The following ADAMTSL1 variants were observed in gnomAD, a reference collection of about 807,000 sequenced individuals.
ADAMTSL1 encodes ADAMTS like 1, also known as ADAMTS-like protein 1.
In ADAMTSL1, 126 loss-of-function variants were observed where a neutral mutation model predicts 201.8. The observed-to-expected ratio is 0.62, with a 90% CI of 0.54 to 0.72. The LOEUF (loss-of-function observed/expected upper bound fraction) is 0.72, where lower values mean the gene tolerates loss of function less well. ADAMTSL1 is among the 30% of genes least tolerant of loss of function. ADAMTSL1 has a pLI of 0.00. For synonymous variants in ADAMTSL1, 1,121 were observed against 903.4 expected (o/e 1.24, Z -4.32); for missense variants, 2,679 against 2,277.8 (o/e 1.18, Z -3.59).
chr9:18,785,135 G>T (rs1333430281), intron 19 of ADAMTSL1, among the ~76,000 whole-genome samples: 1 of 151,552 alleles, frequency 6.6e-6, no homozygotes, highest in Non-Finnish European at 1.5e-5. Context: ...CTGCATTCTG[G>T]CCTGGGTGAC....
intron 23 of ADAMTSL1, among the ~76,000 whole-genome samples, chr9:18,876,215 G>A (rs1828139065): frequency 6.6e-6 from 1 of 151,922 alleles, no homozygotes; most frequent in African/African-American, 2.4e-5. Flanking sequence ...CATCTTTTAA[G>A]TGGAGCATTT....
intron 2 of ADAMTSL1, among the ~76,000 whole-genome samples, chr9:18,524,965 G>T (rs544571802): frequency 1.6e-4 from 25 of 152,250 alleles, no homozygotes; most frequent in Middle Eastern, 3.4e-3. Context: ...TAAAATGAGT[G>T]AGGGAGGATT....
rs564158046 is a variant in ADAMTSL1 at position 17,910,104 on chromosome 9, C to G, written c.87+3182C>G. On this transcript the variant is annotated intron_variant, in intron 1 of 29. Transcript: ENST00000680146. ...TTCCAGTCCCGGCGCTGTCCCTAAGCGCGGTATCATTTTGGTCGAGGCCCT... is the reference window on the plus strand; with the variant it reads ...TTCCAGTCCCGGCGCTGTCCCTAAGGGCGGTATCATTTTGGTCGAGGCCCT... 5.9e-5 allele frequency among the ~76,000 whole-genome samples: 4 copies of G among 68,062 alleles called. 2 individuals carry two copies. Among genetic ancestry groups the G allele is most frequent in the African/African-American group, 1.2e-4 (4 of 34,054 alleles). 44.7% of individuals were successfully genotyped at this position (68,062 alleles called of 152,430 possible).
intron 23 of ADAMTSL1, among the ~76,000 whole-genome samples, chr9:18,838,789 G>A (rs569104092): frequency 7.3e-5 from 11 of 151,606 alleles, no homozygotes; most frequent in Non-Finnish European, 7.4e-5. Context: ...AGCCCTGGAG[G>A]GAGGCTGCAA....
At chr9:18,032,797 G>C (rs973212245) in intron 1 of ADAMTSL1, among the ~76,000 whole-genome samples, 4 of 152,174 alleles carry the variant, frequency 2.6e-5, no homozygotes, top group Non-Finnish European at 5.9e-5. Flanking sequence ...AGAAGTCTGT[G>C]GTGGAACTGT....
intron 1 of ADAMTSL1, among the ~76,000 whole-genome samples, chr9:18,070,944 T>C (rs374401372): frequency 1.8e-4 from 27 of 152,078 alleles, no homozygotes; most frequent in East Asian, 3.9e-4. Context: ...AGAAGAAACA[T>C]TGGGTGTTGG....
At chr9:18,518,040 C>T (rs930856090) in intron 2 of ADAMTSL1, among the ~76,000 whole-genome samples, 6 of 152,010 alleles carry the variant, frequency 3.9e-5, no homozygotes, top group Middle Eastern at 3.2e-3. Context: ...CCTTCTCTCA[C>T]GAAATATTTG....
Position 18,765,240 on chromosome 9 carries a change from T to C in ADAMTSL1, c.2218-5362T>C, listed in dbSNP as rs553881445. 1.5e-3 allele frequency among the ~76,000 whole-genome samples: 236 copies of C among 152,330 alleles called. 1 individual carries two copies. The highest frequency in any genetic ancestry group is 5.5e-3 in the African/African-American group (229 of 41,572). ...AGCCACTACCCATTGAAGAGATCCA[T>C]ACTCCTACAAATTCAGCATCACTAG... On this transcript the variant is annotated intron_variant, in intron 16 of 28. Transcript: ENST00000380548.
intron 1 of ADAMTSL1, among the ~76,000 whole-genome samples, chr9:18,081,105 C>G (rs1248371145): frequency 6.6e-6 from 1 of 152,150 alleles, no homozygotes; most frequent in East Asian, 1.9e-4. Context: ...AACAACATTG[C>G]TCAGCTTGTT....
At chr9:18,551,728 A>C (rs1820811090) in intron 3 of ADAMTSL1, among the ~76,000 whole-genome samples, 1 of 151,716 alleles carries the variant, frequency 6.6e-6, no homozygotes, top group South Asian at 2.1e-4. Flanking sequence ...CGTCGTGAGG[A>C]TTTCATGAAC....
chr9:18,702,390 TA>T (rs1831975437), intron 13 of ADAMTSL1, among the ~76,000 whole-genome samples: 1 of 152,236 alleles, frequency 6.6e-6, no homozygotes, highest in Non-Finnish European at 1.5e-5. Flanking sequence ...ATAAAGTGAT[TA>T]TTTTTATTAT....
intron 14 of ADAMTSL1, among the ~76,000 whole-genome samples, chr9:18,710,717 G>A (rs1378746058): frequency 7.7e-6 from 1 of 129,276 alleles, no homozygotes; most frequent in Admixed American, 8.5e-5. Context: ...TTAATTAAGG[G>A]TTTTAGTTTA....
chr9:18,027,433 T>A (rs1586914745), intron 1 of ADAMTSL1, among the ~76,000 whole-genome samples: 1 of 106,084 alleles, frequency 9.4e-6, no homozygotes, highest in African/African-American at 5.7e-5. Flanking sequence ...ATTTCAAAGA[T>A]TTTTTTTTTT....
In ADAMTSL1 at chr9:18,829,957, C is replaced by A; in HGVS notation, c.4229C>A (p.Pro1410His). Residue 1410 changes from proline (P) to histidine (H), a missense_variant, in exon 23 of 29, where the codon CCT becomes CAT. By Grantham distance (77) the Pro-to-His change is moderately conservative (BLOSUM62 -2). Transcript: ENST00000380548. Reference protein sequence around the residue: ...SPLGTQLVLDPGNSALLGCPI... With the variant: ...SPLGTQLVLDHGNSALLGCPI... ...CTGGGAACACAGCTGGTCCTGGATC[C>A]TGGGAATTCTGCTCTCCTTGGTGAG... The A allele has an allele frequency of 6.2e-7, 1 of 1,612,184 alleles. No homozygotes were observed. Among genetic ancestry groups the A allele is most frequent in the South Asian group, 1.1e-5 (1 of 90,602 alleles).
intron 9 of ADAMTSL1, among the ~76,000 whole-genome samples, chr9:18,665,003 A>G (rs1204136500): frequency 6.6e-6 from 1 of 152,142 alleles, no homozygotes. Flanking sequence ...AAGTTAAATT[A>G]TAAAAATTAT....
At chr9:18,314,252 T>A (rs182511418) in intron 2 of ADAMTSL1, among the ~76,000 whole-genome samples, 37 of 152,302 alleles carry the variant, frequency 2.4e-4, no homozygotes, top group African/African-American at 7.7e-4. Flanking sequence ...GTAAATTAGT[T>A]CAGCCAATAT....
At chr9:18,417,612 A>G (rs1230069124) in intron 2 of ADAMTSL1, among the ~76,000 whole-genome samples, 1 of 152,254 alleles carries the variant, frequency 6.6e-6, no homozygotes, top group South Asian at 2.1e-4. Flanking sequence ...AACTCTGCTC[A>G]TCTAAATTCA....
At chr9:18,382,384 G>C (rs1837594214) in intron 2 of ADAMTSL1, among the ~76,000 whole-genome samples, 2 of 152,170 alleles carry the variant, frequency 1.3e-5, no homozygotes, top group East Asian at 3.9e-4. Flanking sequence ...GATTTGCTTG[G>C]AAATTTTAAT....
At chr9:18,345,345 C>G (rs1323917566) in intron 2 of ADAMTSL1, among the ~76,000 whole-genome samples, 1 of 152,104 alleles carries the variant, frequency 6.6e-6, no homozygotes, top group Non-Finnish European at 1.5e-5. Context: ...AAAAACTGTT[C>G]TTAGAGTTGT....
Sources: allele counts gnomAD v4.1 joint callset (sites outside exome capture counted in the v4.1 genomes callset), GRCh38; gene constraint gnomAD v4.1.1; transcripts MANE v1.5; gene names NCBI Gene and HGNC (gene_info 2026-07-23, HGNC 2026-07-21).